USH2A: variants seen among roughly 807,000 people sequenced by gnomAD.
USH2A encodes usherin.
Under a neutral mutation model 538.9 loss-of-function variants are expected in USH2A, and 443 were observed. The observed-to-expected ratio is 0.82, with a 90% CI of 0.76 to 0.89. USH2A has a LOEUF of 0.89. Ranked by LOEUF, USH2A falls within the 40% of genes least tolerant of loss-of-function variation. The probability of loss-of-function intolerance (pLI) is 0.00; values close to 1 mark genes in which losing one functional copy is unlikely to be tolerated. For missense variants in USH2A, 6,633 were observed against 6,324.8 expected (o/e 1.05, Z -1.65); for synonymous variants, 2,413 against 2,273.5 (o/e 1.06, Z -1.75).
At chr1:215,819,618 C>T (rs972513210) in intron 47 of USH2A, among the ~76,000 whole-genome samples, 2 of 151,688 alleles carry the variant, frequency 1.3e-5, no homozygotes, top group Non-Finnish European at 3.0e-5. Context: ...GCATAATCAA[C>T]TACAGAAAAG....
At chr1:215,761,706 C>T (rs1660986780) in intron 56 of USH2A, among the ~76,000 whole-genome samples, 1 of 152,140 alleles carries the variant, frequency 6.6e-6, no homozygotes, top group South Asian at 2.1e-4. Flanking sequence ...ATAAAATATA[C>T]ACACAAACAA....
chr1:215,782,342 GT>G, intron 53 of USH2A, 146 bp from the exon 54 acceptor site: 2 of 852,224 alleles, frequency 2.3e-6, no homozygotes, highest in South Asian at 3.3e-5. Context: ...GTCTCAAGCA[GT>G]TCCTAATTAT....
In USH2A at chr1:215,998,969, A is replaced by G; in HGVS notation, c.6575T>C (p.Val2192Ala). ...GAAAAGTTCTGTACTGTTATAGATG[A>G]CACTCCAAATTGTAAAATCATGTGT... The part of the protein sequence containing the change: ...NHTHDFTIWS[V>A]IYNSTELFQD... The change falls in exon 34 of 72, where the codon GTC becomes GCC. Residue 2192 changes from valine to alanine, a missense_variant. By Grantham distance (64) the Val-to-Ala change is moderately conservative. Coordinates refer to ENST00000307340, the MANE Select transcript of USH2A (RefSeq NM_206933.4). The G allele has an allele frequency of 1.2e-6, 2 of 1,613,046 alleles. No homozygotes were observed. Among genetic ancestry groups the G allele is most frequent in the Non-Finnish European group, 1.7e-6 (2 of 1,179,232 alleles).
At chr1:215,681,332 A>AACACACACACACACAC (rs10625816) in intron 61 of USH2A, among the ~76,000 whole-genome samples, 18 of 148,106 alleles carry the variant, frequency 1.2e-4, no homozygotes, top group African/African-American at 4.5e-4. Flanking sequence ...CACACACACG[A>AACACACACACACACAC]ACACACACAC....
At chr1:215,704,701 C>T (rs12029849) in intron 61 of USH2A, among the ~76,000 whole-genome samples, 62,816 of 152,028 alleles carry the variant, frequency 0.41, 13,638 homozygotes, top group Middle Eastern at 0.54. Flanking sequence ...AATGAGGCTG[C>T]GCTTTTGTTC....
chr1:215,798,802 A>G (rs1662212713), intron 50 of USH2A, 105 bp downstream of exon 50: 9 of 1,276,698 alleles, frequency 7.0e-6, no homozygotes, highest in Non-Finnish European at 1.0e-5. Flanking sequence ...AGATATAACC[A>G]ATGTGAGCTT....
intron 49 of USH2A, among the ~76,000 whole-genome samples, chr1:215,809,539 C>G (rs562713431): frequency 6.6e-6 from 1 of 151,240 alleles, no homozygotes; most frequent in Non-Finnish European, 1.5e-5. Flanking sequence ...ACATAAGATA[C>G]AAGGATCAGT....
intron 21 of USH2A, among the ~76,000 whole-genome samples, chr1:216,171,857 T>C (rs748263283): frequency 2.0e-5 from 3 of 152,094 alleles, no homozygotes; most frequent in Non-Finnish European, 2.9e-5. Flanking sequence ...TTCTTCGAAG[T>C]CCTCATAATA....
intron 21 of USH2A, among the ~76,000 whole-genome samples, chr1:216,157,515 C>T (rs893950221): frequency 2.0e-5 from 3 of 152,130 alleles, no homozygotes; most frequent in African/African-American, 7.2e-5. Flanking sequence ...CGCATGCACT[C>T]ATATGTTCAT....
intron 24 of USH2A, among the ~76,000 whole-genome samples, chr1:216,085,893 C>T (rs1483284973): frequency 6.6e-6 from 1 of 151,996 alleles, no homozygotes; most frequent in Non-Finnish European, 1.5e-5. Flanking sequence ...CTTTCTATTC[C>T]TTTTGATCTT....
At chr1:216,101,983 T>A (rs562438215) in intron 21 of USH2A, among the ~76,000 whole-genome samples, 1 of 152,142 alleles carries the variant, frequency 6.6e-6, no homozygotes, top group Non-Finnish European at 1.5e-5. Flanking sequence ...TCATACACGT[T>A]CGGGGCCATG....
intron 21 of USH2A, among the ~76,000 whole-genome samples, chr1:216,138,326 GA>G (rs1199101962): frequency 6.6e-6 from 1 of 152,088 alleles, no homozygotes; most frequent in Non-Finnish European, 1.5e-5. Context: ...GGCAAAAAAA[GA>G]GAGTTTTAAC....
chr1:215,802,252 A>G (rs1662358429), intron 49 of USH2A, among the ~76,000 whole-genome samples: 1 of 152,132 alleles, frequency 6.6e-6, no homozygotes, highest in African/African-American at 2.4e-5. Flanking sequence ...AGCAATAAGG[A>G]AAAAAGATGA....
intron 71 of USH2A, among the ~76,000 whole-genome samples, chr1:215,627,429 C>T (rs183586850): frequency 0.028 from 2,342 of 83,076 alleles, 54 homozygotes; most frequent in East Asian, 0.07. Context: ...TCCTTCCTTC[C>T]TTCCTTCCTT....
chr1:215,743,569 C>T (rs1044845422), intron 58 of USH2A, among the ~76,000 whole-genome samples: 10 of 151,406 alleles, frequency 6.6e-5, no homozygotes, highest in Non-Finnish European at 1.0e-4. Context: ...TGGCTCATGC[C>T]TGTAATCCCA....
At chr1:216,068,622 C>A (rs1414730930) in intron 30 of USH2A, among the ~76,000 whole-genome samples, 4 of 151,956 alleles carry the variant, frequency 2.6e-5, no homozygotes, top group African/African-American at 9.7e-5. Flanking sequence ...GATAAGCTAT[C>A]AGTAATATCT....
intron 3 of USH2A, among the ~76,000 whole-genome samples, chr1:216,367,375 T>C (rs2038618891): frequency 6.6e-6 from 1 of 152,354 alleles, no homozygotes; most frequent in Non-Finnish European, 1.5e-5. Flanking sequence ...GCTTTCTTTA[T>C]AGCAGGTAAC....
intron 61 of USH2A, among the ~76,000 whole-genome samples, chr1:215,698,331 A>G (rs1211530492): frequency 6.6e-6 from 1 of 152,214 alleles, no homozygotes; most frequent in Non-Finnish European, 1.5e-5. Context: ...TGCCTTGGGT[A>G]TATACCCAGT....
At chr1:216,328,924 T>C (rs1048380622) in intron 4 of USH2A, among the ~76,000 whole-genome samples, 3 of 152,148 alleles carry the variant, frequency 2.0e-5, no homozygotes, top group Admixed American at 2.0e-4. Flanking sequence ...AAAATATTTC[T>C]TCATTAGTGT....
Sources: gnomAD v4.1 joint callset for allele counts (sites outside exome capture counted in the v4.1 genomes callset) on GRCh38, gnomAD v4.1.1 for gene constraint, MANE v1.5 for transcripts, NCBI Gene and HGNC (gene_info 2026-07-23, HGNC 2026-07-21) for gene names.